CAMK1D: variants seen among roughly 807,000 people sequenced by gnomAD.
CAMK1D encodes the protein calcium/calmodulin dependent protein kinase ID, also known as calcium/calmodulin-dependent protein kinase type 1D.
In CAMK1D, 9 loss-of-function variants were observed where a neutral mutation model predicts 47.7. That is an observed-to-expected ratio of 0.19 (90% CI 0.11 to 0.33). The LOEUF is 0.33. Among genes scored for constraint, CAMK1D ranks in the 10% least tolerant of loss-of-function variants. CAMK1D has a pLI of 1.00. For missense variants in CAMK1D, 291 were observed against 488.7 expected (o/e 0.60, Z 3.81); for synonymous variants, 184 against 184.9 (o/e 0.99, Z 0.04).
intron 1 of CAMK1D, among the ~76,000 whole-genome samples, chr10:12,548,755 G>A (rs770678253): frequency 6.6e-5 from 10 of 151,154 alleles, no homozygotes; most frequent in South Asian, 4.2e-4. Flanking sequence ...ATGAGCCACC[G>A]CGCCCGGCCT....
At chr10:12,643,655 G>A (rs1198050296) in intron 2 of CAMK1D, among the ~76,000 whole-genome samples, 1 of 152,076 alleles carries the variant, frequency 6.6e-6, no homozygotes, top group Non-Finnish European at 1.5e-5. Flanking sequence ...AGGCCGAGGT[G>A]GGTGGATCAC....
intron 3 of CAMK1D, among the ~76,000 whole-genome samples, chr10:12,701,930 A>G (rs1290150707): frequency 6.6e-6 from 1 of 152,210 alleles, no homozygotes; most frequent in Non-Finnish European, 1.5e-5. Flanking sequence ...AGATATAGGT[A>G]TCTCTAGTCA....
At chr10:12,705,526 A>T (rs1425876070) in intron 3 of CAMK1D, among the ~76,000 whole-genome samples, 3 of 152,130 alleles carry the variant, frequency 2.0e-5, no homozygotes, top group African/African-American at 7.2e-5. Flanking sequence ...AATAATAAAC[A>T]TCTTGTTTTA....
At chr10:12,742,292 G>A (rs1242363586) in intron 3 of CAMK1D, among the ~76,000 whole-genome samples, 2 of 152,086 alleles carry the variant, frequency 1.3e-5, no homozygotes, top group African/African-American at 4.8e-5. Context: ...GTGCCACCAC[G>A]CCCAGCTAAC....
chr10:12,487,226 T>A (rs978884624), intron 1 of CAMK1D, among the ~76,000 whole-genome samples: 15 of 152,220 alleles, frequency 9.9e-5, no homozygotes, highest in African/African-American at 3.6e-4. Context: ...TATGTTCATA[T>A]GTTCTCATCA....
chr10:12,816,872 C>CAAAAAAA, intron 8 of CAMK1D, among the ~76,000 whole-genome samples: 1 of 57,442 alleles, frequency 1.7e-5, no homozygotes, highest in Non-Finnish European at 3.9e-5. Flanking sequence ...AACTCTGTCT[C>CAAAAAAA]AAAAAAAAAA....
Position 12,699,742 on chromosome 10 carries a change from A to C in CAMK1D, c.299+32932A>C, listed in dbSNP as rs564915667. Among the ~76,000 whole-genome samples, 4 of 152,120 alleles carry C rather than the reference A, an allele frequency of 2.6e-5. No homozygotes were observed. The South Asian group carries it at 8.3e-4, about 32-fold the overall frequency. ...TCATCTTCCACATCAACTTGTTAAA[A>C]CAAGTTATTCATTTGGAAACTGCTG... On this transcript the variant is annotated intron_variant, in intron 3 of 10. Transcript: ENST00000619168.
Position 12,769,895 on chromosome 10 carries a change from A to G in CAMK1D, c.565+96A>G, listed in dbSNP as rs1294139647. 1.3e-5 allele frequency: 18 copies of G among 1,407,900 alleles called. No individual in the cohort carries two copies. The East Asian group carries it at 3.2e-4, about 25-fold the overall frequency. 87.2% of individuals were successfully genotyped at this position (1,407,900 alleles called of 1,614,324 possible). A position where few individuals can be genotyped will look rare whatever the true frequency, so the allele number is the denominator to read the frequency against. ...TCAACTCATCAGTTGTGTGAAACAT[A>G]TGAGCTTGGCATGTAATCACAGCTG... On this transcript the variant is annotated intron_variant, in intron 5 of 10. Transcript: ENST00000619168.
At chr10:12,385,851 A>T (rs1047308176) in intron 1 of CAMK1D, among the ~76,000 whole-genome samples, 1 of 148,232 alleles carries the variant, frequency 6.7e-6, no homozygotes, top group African/African-American at 2.5e-5. Context: ...GGTTCAAGCG[A>T]TTCTCTTGCC....
chr10:12,529,419 G>A (rs1588597188), intron 1 of CAMK1D, among the ~76,000 whole-genome samples: 1 of 152,108 alleles, frequency 6.6e-6, no homozygotes, highest in Non-Finnish European at 1.5e-5. Flanking sequence ...GGAGTGTCTC[G>A]TCCACATTGG....
chr10:12,354,500 A>G lies in CAMK1D; in HGVS notation c.92+4590A>G, dbSNP rs564537213. 1.7e-4 allele frequency among the ~76,000 whole-genome samples: 25 copies of G among 150,550 alleles called. No individual in the cohort carries two copies. In the South Asian group the frequency reaches 5.3e-3, roughly 32 times the overall value. On this transcript the variant is annotated intron_variant, in intron 1 of 10. Transcript: ENST00000619168. ...GAGTGCAGTGGCGGGATCTCAGCTC[A>G]CCGCAACCTCCGCCTCCCAGGTTCA...
chr10:12,567,233 C>T (rs1475238872), intron 2 of CAMK1D, among the ~76,000 whole-genome samples: 1 of 152,240 alleles, frequency 6.6e-6, no homozygotes, highest in Non-Finnish European at 1.5e-5. Context: ...TTTCCATCCT[C>T]TCCTTCAGCT....
At chr10:12,588,616 G>A (rs1837891552) in intron 2 of CAMK1D, among the ~76,000 whole-genome samples, 1 of 151,984 alleles carries the variant, frequency 6.6e-6, no homozygotes, top group South Asian at 2.1e-4. Flanking sequence ...ACCTGCACCT[G>A]CTCAACGCTC....
chr10:12,768,995 C>T (rs1588904736), intron 4 of CAMK1D, among the ~76,000 whole-genome samples: 1 of 152,204 alleles, frequency 6.6e-6, no homozygotes, highest in African/African-American at 2.4e-5. Context: ...GCTGTGCATT[C>T]CTGCTGCCCA....
intron 2 of CAMK1D, among the ~76,000 whole-genome samples, chr10:12,583,293 A>G (rs1314624622): frequency 6.6e-6 from 1 of 152,116 alleles, no homozygotes; most frequent in African/African-American, 2.4e-5. Context: ...CAATGATATG[A>G]GTTTGGTTTT....
intron 2 of CAMK1D, among the ~76,000 whole-genome samples, chr10:12,593,250 A>G (rs1184932143): frequency 6.6e-6 from 1 of 152,330 alleles, no homozygotes; most frequent in South Asian, 2.1e-4. Context: ...TCTGCACAGT[A>G]TGATTACATG....
intron 2 of CAMK1D, among the ~76,000 whole-genome samples, chr10:12,647,974 T>G (rs1347607850): frequency 6.6e-6 from 1 of 152,204 alleles, no homozygotes; most frequent in African/African-American, 2.4e-5. Context: ...CAGGCCAAAG[T>G]TCTGGACAGT....
chr10:12,576,219 G>A (rs1370148269), intron 2 of CAMK1D, among the ~76,000 whole-genome samples: 1 of 152,102 alleles, frequency 6.6e-6, no homozygotes. Flanking sequence ...GAGTGCAGTG[G>A]TATCTCTGTT....
chr10:12,378,418 AT>A (rs71384317), intron 1 of CAMK1D, among the ~76,000 whole-genome samples: 27,199 of 142,626 alleles, frequency 0.19, 2,718 homozygotes, highest in African/African-American at 0.29. Flanking sequence ...GCAAACTTAA[AT>A]TTTTTTTTTT....
Sources: allele counts gnomAD v4.1 joint callset (sites outside exome capture counted in the v4.1 genomes callset), GRCh38; gene constraint gnomAD v4.1.1; transcripts MANE v1.5; gene names NCBI Gene and HGNC (gene_info 2026-07-23, HGNC 2026-07-21).